Variants in C8orf58 observed in about 807,000 individuals in gnomAD.
The protein encoded by C8orf58 is uncharacterized protein C8orf58.
In C8orf58, 31 loss-of-function variants were observed where a neutral mutation model predicts 36.8. That is an observed-to-expected ratio of 0.84 (90% CI 0.63 to 1.14). The LOEUF (loss-of-function observed/expected upper bound fraction) is 1.14. Among genes scored for constraint, C8orf58 ranks in the 50% most tolerant of loss-of-function variants. The pLI, the probability that C8orf58 is intolerant of heterozygous loss-of-function variation, is 0.00. For synonymous variants in C8orf58, 230 were observed against 200.2 expected (o/e 1.15, Z -1.26); for missense variants, 538 against 480.8 (o/e 1.12, Z -1.11).
At position 22,603,503 on chromosome 8, in the gene C8orf58, A is replaced by G; in HGVS notation, c.*197A>G. The G allele has an allele frequency of 1.6e-6, 1 of 631,304 alleles. No individual in the cohort carries two copies. Among genetic ancestry groups the G allele is most frequent in the Non-Finnish European group, 2.9e-6 (1 of 346,846 alleles). 39.1% of individuals were successfully genotyped at this position (631,304 alleles called of 1,614,324 possible). ...CTTGGTTTCTTGAGAGGCCCCCAAGATGCCGCAGCTCCAGGGCTCTTCCTC... is the reference window on the plus strand; with the variant it reads ...CTTGGTTTCTTGAGAGGCCCCCAAGGTGCCGCAGCTCCAGGGCTCTTCCTC... On this transcript the variant is annotated 3_prime_UTR_variant, in exon 7 of 7. Coordinates refer to ENST00000289989, the MANE Select transcript of C8orf58 (RefSeq NM_001013842.3).
intron 1 of C8orf58, chr8:22,600,461 C>T (rs1287768880): frequency 5.5e-6 from 1 of 180,392 alleles, no homozygotes; most frequent in Non-Finnish European, 1.2e-5. Flanking sequence ...GGTTGGATCC[C>T]AGGCTTTCCT....
Position 22,601,368 on chromosome 8 carries a change from A to T in C8orf58, c.516+11A>T. 1 of 1,539,542 alleles carries T rather than the reference A, an allele frequency of 6.5e-7. No homozygotes were observed. Among genetic ancestry groups the T allele is most frequent in the South Asian group, 1.2e-5 (1 of 82,504 alleles). On this transcript the variant is annotated intron_variant, in intron 2 of 6. Coordinates refer to ENST00000289989, the MANE Select transcript of C8orf58 (RefSeq NM_001013842.3). ...CTGGAAGAAGAGGCGGTGAGTGCTCACTCTCAGGCTGGGTTTAAGAGTGGG... is the reference window on the plus strand; with the variant it reads ...CTGGAAGAAGAGGCGGTGAGTGCTCTCTCTCAGGCTGGGTTTAAGAGTGGG...
In C8orf58 at chr8:22,602,250, C is replaced by T. The variant is rs149006927; in HGVS notation, c.817C>T (p.Pro273Ser). Residue 273 changes from proline (P) to serine (S), a missense_variant, in exon 5 of 7, where the codon CCC becomes TCC. Transcript: ENST00000289989. ...PKVEVPSANP[P>S]RLPETPVEPT... ...GGTGGAGGTGCCCAGTGCCAACCCT[C>T]CCAGGCTGCCAGAAACCCCAGTGGA... 7.2e-5 allele frequency: 116 copies of T among 1,608,604 alleles called. No homozygotes were observed. The African/African-American group carries it at 9.3e-4, about 13-fold the overall frequency.
In C8orf58 at chr8:22,602,094, G is replaced by GT. The variant is rs1232275412; in HGVS notation, c.766+15dup. 6.4e-6 allele frequency: 10 copies of GT among 1,557,790 alleles called. No homozygotes were observed. The highest frequency in any genetic ancestry group is 1.4e-5 in the African/African-American group (1 of 73,404). ...CAGAGCACACAGGTGAGGGGCCATCGTGTCTCCCTTTGTCCTGCCTGCCTG... is the reference window on the plus strand; with the variant it reads ...CAGAGCACACAGGTGAGGGGCCATCGTTGTCTCCCTTTGTCCTGCCTGCCTG... On this transcript the variant is annotated intron_variant, in intron 4 of 6. Transcript: ENST00000289989.
Position 22,602,301 on chromosome 8 carries a change from C to A in C8orf58, c.868C>A (p.Gln290Lys). 1 of 1,588,818 alleles carries A rather than the reference C, an allele frequency of 6.3e-7. No individual in the cohort carries two copies. The highest frequency in any genetic ancestry group is 1.1e-5 in the South Asian group (1 of 88,462). The change falls in exon 5 of 7, where the codon CAG becomes AAG. Residue 290 changes from glutamine (Q) to lysine (K), a missense_variant. Gln to Lys is a moderately conservative substitution (Grantham distance 53, BLOSUM62 1). Coordinates refer to ENST00000289989, the MANE Select transcript of C8orf58 (RefSeq NM_001013842.3). ...VEPTYHLPSS[Q>K]GHKRDISHWD... Reference sequence around the variant, plus strand: ...GCCAACGTACCACTTGCCATCCTCCCAGGGACACAAGGTAGGGGACAGGTA... The same window carrying A: ...GCCAACGTACCACTTGCCATCCTCCAAGGGACACAAGGTAGGGGACAGGTA...
rs374180743 is a variant in C8orf58 at position 22,601,016 on chromosome 8, G to T, written c.175G>T (p.Ala59Ser). 67 of 1,612,690 alleles carry T rather than the reference G, an allele frequency of 4.2e-5. No homozygotes were observed. The African/African-American group carries it at 8.3e-4, about 20-fold the overall frequency. ...CAAGTTCAGAGGTGTCGGCAGGGAG[G>T]CACTCTTTCTCAAACTGGCCTCCCG... is the stretch of plus-strand genomic sequence containing the variant. ...GDKFRGVGRE[A>S]LFLKLASRDS... The change falls in exon 2 of 7, where the codon GCA becomes TCA. Residue 59 changes from alanine to serine, a missense_variant. By Grantham distance (99) the Ala-to-Ser change is moderately conservative. Transcript: ENST00000289989.
chr8:22,602,429 G>T, intron 5 of C8orf58, 108 bp from the exon 6 acceptor site: 1 of 1,329,828 alleles, frequency 7.5e-7, no homozygotes, highest in Non-Finnish European at 1.1e-6. Flanking sequence ...ATTGATTCCT[G>T]TTTGGAGCAG....
chr8:22,600,515 C>A (rs983618182), intron 1 of C8orf58: 7 of 282,298 alleles, frequency 2.5e-5, no homozygotes, highest in African/African-American at 1.3e-4. Context: ...TACAGTCCTA[C>A]TCCCGCTTGG....
chr8:22,603,106 CCAG>C, intron 6 of C8orf58, 86 bp from the exon 7 acceptor site: 1 of 992,122 alleles, frequency 1.0e-6, no homozygotes, highest in Non-Finnish European at 1.6e-6. Flanking sequence ...CAGCTACCCA[CCAG>C]CAGATAAACC....
chr8:22,603,115 A>G (rs1800919769), intron 6 of C8orf58, 80 bp from the exon 7 acceptor site: 5 of 1,107,270 alleles, frequency 4.5e-6, no homozygotes, highest in Non-Finnish European at 6.9e-6. Flanking sequence ...ACCAGCAGAT[A>G]AACCACGTTC....
At chr8:22,601,489 C>A in intron 2 of C8orf58, 132 bp downstream of exon 2, 2 of 931,382 alleles carry the variant, frequency 2.1e-6, no homozygotes, top group Non-Finnish European at 1.6e-6. Flanking sequence ...GTTCTTTCTG[C>A]ACCCCAGTTC....
In C8orf58 at chr8:22,603,258, A is replaced by T; in HGVS notation, c.1050A>T (p.Pro350=). ...QCRPHRKTFM[P]SLVVKKQRAK... ...GCCCCCACCGGAAGACCTTTATGCCATCATTAGTGGTTAAGAAGCAACGAG... is the reference window on the plus strand; with the variant it reads ...GCCCCCACCGGAAGACCTTTATGCCTTCATTAGTGGTTAAGAAGCAACGAG... Residue 350 remains proline (P), a synonymous_variant, in exon 7 of 7, where the codon CCA becomes CCT. Transcript: ENST00000289989. The T allele has an allele frequency of 6.2e-7, 1 of 1,613,872 alleles. No individual in the cohort carries two copies. The highest frequency in any genetic ancestry group is 8.5e-7 in the Non-Finnish European group (1 of 1,179,988).
At position 22,601,955 on chromosome 8, in the gene C8orf58, G is replaced by C. The variant is rs367926851; in HGVS notation, c.658-17G>C. On this transcript the variant is annotated splice_polypyrimidine_tract_variant and intron_variant, in intron 3 of 6. Transcript: ENST00000289989. Reference sequence around the variant, plus strand: ...CCCTCTAGCCAGGCCCTGATCACCTGTCTCTCCTGTGCATAGGATCCCGGC... The same window carrying C: ...CCCTCTAGCCAGGCCCTGATCACCTCTCTCTCCTGTGCATAGGATCCCGGC... 19 of 1,546,448 alleles carry C rather than the reference G, an allele frequency of 1.2e-5. No individual in the cohort carries two copies. Among genetic ancestry groups the C allele is most frequent in the Non-Finnish European group, 1.6e-5 (18 of 1,143,376 alleles).
At position 22,599,655 on chromosome 8, in the gene C8orf58, CCG is replaced by C; in HGVS notation, c.-63_-62del. The C allele has an allele frequency of 1.0e-6, 1 of 955,312 alleles. No individual in the cohort carries two copies. Among genetic ancestry groups the C allele is most frequent in the Non-Finnish European group, 1.3e-6 (1 of 746,286 alleles). 59.2% of individuals were successfully genotyped at this position (955,312 alleles called of 1,614,324 possible). A position where few individuals can be genotyped will look rare whatever the true frequency, so the allele number is the denominator to read the frequency against. On this transcript the variant is annotated 5_prime_UTR_variant, in exon 1 of 7. Transcript: ENST00000289989. ...ACGCGCTCCCTGAGCTGCCCGAGCT[CCG>C]CGGGGACTCGGGCCGGGATCCTCGG...
chr8:22,602,524 A>C lies in C8orf58; in HGVS notation c.880-13A>C. The C allele has an allele frequency of 1.2e-6, 2 of 1,609,008 alleles. No individual in the cohort carries two copies. The highest frequency in any genetic ancestry group is 1.7e-6 in the Non-Finnish European group (2 of 1,176,120). On this transcript the variant is annotated splice_polypyrimidine_tract_variant and intron_variant, in intron 5 of 6. Transcript: ENST00000289989. Reference sequence around the variant, plus strand: ...TGGGGAGGGCTCTGGGTGACCCCTCATCCTCTGCTCAGCGGGATATCTCCC... The same window carrying C: ...TGGGGAGGGCTCTGGGTGACCCCTCCTCCTCTGCTCAGCGGGATATCTCCC...
In C8orf58 at chr8:22,599,602, T is replaced by G. The variant is rs1379269743; in HGVS notation, c.-119T>G. The G allele has an allele frequency of 4.2e-5, 9 of 216,500 alleles. No homozygotes were observed. Among genetic ancestry groups the G allele is most frequent in the East Asian group, 2.3e-4 (2 of 8,596 alleles). The allele number at this position is 216,500 out of a possible 1,614,324, so 13.4% of individuals were successfully genotyped here. A position where few individuals can be genotyped will look rare whatever the true frequency, so the allele number is the denominator to read the frequency against. On this transcript the variant is annotated 5_prime_UTR_variant, in exon 1 of 7. Transcript: ENST00000289989. Reference sequence around the variant, plus strand: ...CGCCCCCCCAGCCCCGCTGGGAGTGTCTGGGGGCCGCGCCCAGCTGGGTCG... The same window carrying G: ...CGCCCCCCCAGCCCCGCTGGGAGTGGCTGGGGGCCGCGCCCAGCTGGGTCG...
In C8orf58 at chr8:22,603,232, C is replaced by A; in HGVS notation, c.1024C>A (p.Arg342Ser). 3.1e-6 allele frequency: 5 copies of A among 1,613,910 alleles called. No homozygotes were observed. In the South Asian group the frequency reaches 5.5e-5, roughly 18 times the overall value. Residue 342 changes from arginine (R) to serine (S), a missense_variant, in exon 7 of 7, where the codon CGC (arginine) becomes AGC (serine). Physicochemically the swap from Arg to Ser is moderately radical, Grantham distance 110. Coordinates refer to ENST00000289989, the MANE Select transcript of C8orf58 (RefSeq NM_001013842.3). ...SRDLPERPQC[R>S]PHRKTFMPSL... is the part of the protein sequence containing the mutation. ...GGACCTCCCTGAAAGGCCTCAGTGC[C>A]GCCCCCACCGGAAGACCTTTATGCC...
In C8orf58 at chr8:22,601,707, C is replaced by T. The variant is rs1800862512; in HGVS notation, c.517-5C>T. 2 of 1,600,700 alleles carry T rather than the reference C, an allele frequency of 1.2e-6. No homozygotes were observed. The highest frequency in any genetic ancestry group is 1.7e-6 in the Non-Finnish European group (2 of 1,174,960). On this transcript the variant is annotated splice_polypyrimidine_tract_variant and splice_region_variant and intron_variant, in intron 2 of 6. Coordinates refer to ENST00000289989, the MANE Select transcript of C8orf58 (RefSeq NM_001013842.3). ...AAATCTCCCCTATCTCACAATGTCC[C>T]ACAGGTGGGGGGCCTGGGGCCTGGA...
chr8:22,602,596 C>T lies in C8orf58; in HGVS notation c.939C>T (p.Ser313=). The T allele has an allele frequency of 6.4e-7, 1 of 1,570,244 alleles. No individual in the cohort carries two copies. Among genetic ancestry groups the T allele is most frequent in the Non-Finnish European group, 8.7e-7 (1 of 1,154,408 alleles). The change falls in exon 6 of 7, where the codon AGC becomes AGT. Residue 313 remains serine, a synonymous_variant. Transcript: ENST00000289989. ...TGCTCAACCGGATCTGCCGGAGAAG[C>T]CACCACCACCCTGAGCCCCCTGCCC... ...KVLLNRICRR[S]HHHPEPPAPP...
Sources: allele counts gnomAD v4.1 joint callset, GRCh38; gene constraint gnomAD v4.1.1; transcripts MANE v1.5; gene names NCBI Gene and HGNC (gene_info 2026-07-23, HGNC 2026-07-21).